PRRC2B: variants seen among roughly 807,000 people sequenced by gnomAD.
PRRC2B encodes the protein proline rich coiled-coil 2B, also known as protein PRRC2B.
PRRC2B carries 68 observed loss-of-function variants against 242.3 expected under a neutral mutation model. That is an observed-to-expected ratio of 0.28 (90% CI 0.23 to 0.34). The LOEUF (loss-of-function observed/expected upper bound fraction) is 0.34. Among genes scored for constraint, PRRC2B ranks in the 10% least tolerant of loss-of-function variants. PRRC2B has a pLI of 1.00. For synonymous variants in PRRC2B, 1,228 were observed against 1,173.6 expected, an observed-to-expected ratio of 1.05 and a Z score of -0.95; for missense variants, 2,835 against 2,954.8, an observed-to-expected ratio of 0.96 and a Z score of 0.94.
chr9:131,409,143 C>T (rs1837441861), intron 1 of PRRC2B, among the ~76,000 whole-genome samples: 1 of 152,016 alleles, frequency 6.6e-6, no homozygotes, highest in African/African-American at 2.4e-5. Flanking sequence ...TTGCCTCAGC[C>T]TCCCAAGTAA....
chr9:131,435,034 AC>A (rs1465915919), intron 3 of PRRC2B, among the ~76,000 whole-genome samples: 2 of 152,308 alleles, frequency 1.3e-5, no homozygotes, highest in East Asian at 3.9e-4. Context: ...GCAGTGGCTG[AC>A]ATCTGTAATC....
At chr9:131,495,598 G>A in intron 31 of PRRC2B, 142 bp from the exon 32 acceptor site, 3 of 914,436 alleles carry the variant, frequency 3.3e-6, no homozygotes, top group Non-Finnish European at 4.9e-6. Context: ...GGGTTTCTAA[G>A]TCTGGTCCTT....
At chr9:131,489,097 T>G (rs1944109036) in intron 28 of PRRC2B, among the ~76,000 whole-genome samples, 2 of 152,038 alleles carry the variant, frequency 1.3e-5, no homozygotes, top group African/African-American at 4.8e-5. Context: ...GCTGTGGCTC[T>G]CGCATAATCT....
chr9:131,474,799 A>T lies in PRRC2B; in HGVS notation c.2670A>T (p.Thr890=). 1.2e-6 allele frequency: 2 copies of T among 1,612,514 alleles called. No homozygotes were observed. The highest frequency in any genetic ancestry group is 8.5e-7 in the Non-Finnish European group (1 of 1,179,714). Residue 890 remains threonine, a synonymous_variant, in exon 16 of 32, where the codon ACA becomes ACT. Coordinates refer to ENST00000683519, the MANE Select transcript of PRRC2B (RefSeq NM_013318.4). ...ADTAHGVERE[T]PREGTAFNIS... is the part of the protein sequence containing the mutation. Reference sequence around the variant, plus strand: ...CAGCCCATGGTGTTGAGCGGGAGACACCCCGGGAGGGGACGGCCTTTAACA... The same window carrying T: ...CAGCCCATGGTGTTGAGCGGGAGACTCCCCGGGAGGGGACGGCCTTTAACA...
intron 1 of PRRC2B, among the ~76,000 whole-genome samples, chr9:131,388,215 T>G (rs1836850560): frequency 6.8e-6 from 1 of 147,850 alleles, no homozygotes; most frequent in South Asian, 2.1e-4. Context: ...TTATTAAAAT[T>G]AATTTCATCA....
upstream of PRRC2B, among the ~76,000 whole-genome samples, chr9:131,393,589 C>T (rs938334425): frequency 2.0e-5 from 3 of 152,200 alleles, no homozygotes; most frequent in Non-Finnish European, 4.4e-5. Context: ...GTTCATATAC[C>T]GTATACATAT....
At chr9:131,376,432 G>T (rs1473850545) in intron 1 of PRRC2B, among the ~76,000 whole-genome samples, 1 of 151,132 alleles carries the variant, frequency 6.6e-6, no homozygotes, top group Non-Finnish European at 1.5e-5. Context: ...TAGAGTCTCA[G>T]TAAACAGTAG....
rs531244303 is a variant in PRRC2B, at chr9:131,381,055, C to T, written c.-56+7324C>T. 6.6e-5 allele frequency among the ~76,000 whole-genome samples: 10 copies of T among 152,224 alleles called. No individual in the cohort carries two copies. In the East Asian group the frequency reaches 1.9e-3, roughly 29 times the overall value. ...CCTACACTTCTGAGATACCGGCCTA[C>T]GCTACATAGGGCAAGACTTGATTAC... On this transcript the variant is annotated intron_variant, in intron 1 of 1. Coordinates refer to the PRRC2B transcript ENST00000682525.
intron 9 of PRRC2B, among the ~76,000 whole-genome samples, chr9:131,450,659 C>T (rs904785026): frequency 1.3e-4 from 20 of 152,038 alleles, no homozygotes; most frequent in Non-Finnish European, 2.1e-4. Context: ...ATGATCTCAG[C>T]TCATTGCAAC....
chr9:131,469,018 G>A (rs1257101547), intron 13 of PRRC2B, among the ~76,000 whole-genome samples: 1 of 152,182 alleles, frequency 6.6e-6, no homozygotes, highest in Non-Finnish European at 1.5e-5. Flanking sequence ...GGGGTGCGGA[G>A]GAAGTGATGG....
At chr9:131,399,531 A>T (rs1336160026) in intron 1 of PRRC2B, among the ~76,000 whole-genome samples, 1 of 152,078 alleles carries the variant, frequency 6.6e-6, no homozygotes, top group Non-Finnish European at 1.5e-5. Context: ...GTGAGCCGAG[A>T]TCACGACACT....
chr9:131,397,488 T>TC (rs1215111604), intron 1 of PRRC2B, among the ~76,000 whole-genome samples: 1 of 151,684 alleles, frequency 6.6e-6, no homozygotes, highest in Non-Finnish European at 1.5e-5. Context: ...TTTTTCCTGT[T>TC]CAACACTCCT....
At chr9:131,390,046 G>A (rs1390274674), upstream of PRRC2B, among the ~76,000 whole-genome samples, 1 of 143,786 alleles carries the variant, frequency 7.0e-6, no homozygotes, top group African/African-American at 2.5e-5. Context: ...TCAGCCTCCC[G>A]AGCGATTACA....
At chr9:131,471,158 C>A (rs1446602910) in intron 14 of PRRC2B, among the ~76,000 whole-genome samples, 175 bp downstream of exon 14, 2 of 152,230 alleles carry the variant, frequency 1.3e-5, no homozygotes, top group Admixed American at 1.3e-4. Context: ...AATAATAGTT[C>A]TGTCATAAAG....
chr9:131,393,956 C>G (rs1365540413), upstream of PRRC2B: 1 of 151,658 alleles, frequency 6.6e-6, no homozygotes, highest in Non-Finnish European at 1.5e-5. Context: ...CCAAGGCCGC[C>G]GCTCCCGGGA....
chr9:131,416,689 G>A (rs1313328591), intron 1 of PRRC2B, among the ~76,000 whole-genome samples: 1 of 151,068 alleles, frequency 6.6e-6, no homozygotes, highest in East Asian at 2.0e-4. Context: ...ACTAGGTTGT[G>A]ACAATTAAGT....
intron 30 of PRRC2B, among the ~76,000 whole-genome samples, chr9:131,492,876 G>A (rs1394115181): frequency 6.6e-6 from 1 of 152,218 alleles, no homozygotes; most frequent in Non-Finnish European, 1.5e-5. Context: ...GCTGGTGTGT[G>A]AAGGCAGCAC....
At chr9:131,383,054 G>T (rs530633277) in intron 1 of PRRC2B, among the ~76,000 whole-genome samples, 2 of 152,090 alleles carry the variant, frequency 1.3e-5, no homozygotes, top group African/African-American at 4.8e-5. Context: ...CCCATCCCCA[G>T]GCCTTTGTTC....
intron 9 of PRRC2B, among the ~76,000 whole-genome samples, chr9:131,449,941 G>A (rs888051706): frequency 4.6e-5 from 7 of 152,088 alleles, no homozygotes; most frequent in African/African-American, 1.7e-4. Flanking sequence ...TTCCCATACG[G>A]CCAATTCTCC....
Sources: allele counts gnomAD v4.1 joint callset (sites outside exome capture counted in the v4.1 genomes callset), GRCh38; gene constraint gnomAD v4.1.1; transcripts MANE v1.5; gene names NCBI Gene and HGNC (gene_info 2026-07-23, HGNC 2026-07-21).